Variants in HECW2 observed in about 807,000 individuals in gnomAD.
HECW2 encodes E3 ubiquitin-protein ligase HECW2.
A neutral mutation model predicts 175.2 loss-of-function variants in HECW2; 61 were observed. The observed-to-expected ratio is 0.35, with a 90% CI of 0.28 to 0.43. The LOEUF (loss-of-function observed/expected upper bound fraction) is 0.43. Ranked by LOEUF, HECW2 falls within the 20% of genes least tolerant of loss-of-function variation. The pLI is 1.00. For missense variants in HECW2, 1,524 were observed against 2,000.5 expected (o/e 0.76, Z 4.54); for synonymous variants, 671 against 731.0 (o/e 0.92, Z 1.32).
Position 196,240,433 on chromosome 2 carries a change from T to C in HECW2, c.3764+16A>G. 1 of 1,570,830 alleles carries C rather than the reference T, an allele frequency of 6.4e-7. No individual in the cohort carries two copies. Among genetic ancestry groups the C allele is most frequent in the East Asian group, 2.3e-5 (1 of 44,332 alleles). ...CACAGCCTATGTTCCACAGGCCACT[T>C]CTCTGTTCTACTCACCCTTCCTCCC... is the stretch of plus-strand genomic sequence containing the variant. On this transcript the variant is annotated intron_variant, in intron 21 of 28. Transcript: ENST00000644978.
intron 2 of HECW2, among the ~76,000 whole-genome samples, chr2:196,349,513 A>C (rs1250745431): frequency 6.7e-6 from 1 of 148,212 alleles, no homozygotes; most frequent in Non-Finnish European, 1.5e-5. Flanking sequence ...TAAATAGAAA[A>C]GTGAAACGTG....
rs201130712 is a variant in HECW2, at chr2:196,319,588, C to T, written c.1302G>A (p.Ala434=). The change falls in exon 9 of 29, where the codon GCG becomes GCA. Residue 434 remains alanine, a synonymous_variant. Transcript: ENST00000644978. The part of the protein sequence containing the change: ...EHNGHSRPGT[A]TCSERSMGAS... ...CACCCATGGACCTCTCAGAGCAGGT[C>T]GCTGTCCCCGGCCTGGAGTGGCCAT... 33 of 1,614,180 alleles carry T rather than the reference C, an allele frequency of 2.0e-5. No homozygotes were observed. Among genetic ancestry groups the T allele is most frequent in the Non-Finnish European group, 2.5e-5 (29 of 1,180,022 alleles).
intron 28 of HECW2, among the ~76,000 whole-genome samples, chr2:196,204,926 G>A (rs766081163): frequency 1.2e-4 from 19 of 152,096 alleles, no homozygotes; most frequent in Non-Finnish European, 2.4e-4. Context: ...TATCTTTGCA[G>A]GTACTCTAGA....
At chr2:196,553,748 T>C (rs148110381) in intron 1 of HECW2, among the ~76,000 whole-genome samples, 39 of 152,350 alleles carry the variant, frequency 2.6e-4, no homozygotes, top group East Asian at 2.5e-3. Flanking sequence ...AAGCTTCTTA[T>C]AGAATTGTAT....
intron 1 of HECW2, among the ~76,000 whole-genome samples, chr2:196,530,884 A>G (rs189570906): frequency 5.9e-5 from 9 of 152,222 alleles, no homozygotes. Flanking sequence ...CTAATACTAC[A>G]CCCAGTGTTT....
chr2:196,291,788 A>G (rs1334882954), intron 14 of HECW2: 1 of 152,258 alleles, frequency 6.6e-6, no homozygotes, highest in East Asian at 1.9e-4. Flanking sequence ...TAATAATAGT[A>G]CTGCTTTATC....
At chr2:196,265,522 T>C (rs1214155671) in intron 17 of HECW2, among the ~76,000 whole-genome samples, 1 of 152,064 alleles carries the variant, frequency 6.6e-6, no homozygotes, top group African/African-American at 2.4e-5. Flanking sequence ...TCCTAGATCC[T>C]AGTTGCATTT....
At chr2:196,559,529 G>A (rs1006365689) in intron 1 of HECW2, among the ~76,000 whole-genome samples, 5 of 152,146 alleles carry the variant, frequency 3.3e-5, no homozygotes, top group Admixed American at 6.5e-5. Flanking sequence ...AGGGTTATGC[G>A]ACAAGCCTGC....
At chr2:196,204,596 G>A (rs1352427993) in intron 28 of HECW2, among the ~76,000 whole-genome samples, 1 of 152,210 alleles carries the variant, frequency 6.6e-6, no homozygotes, top group East Asian at 1.9e-4. Flanking sequence ...TTTCAGCCTT[G>A]TGAGACCATG....
At position 196,215,929 on chromosome 2, in the gene HECW2, G is replaced by A; in HGVS notation, c.4543C>T (p.Arg1515Ter). 1.2e-6 allele frequency: 2 copies of A among 1,613,942 alleles called. No individual in the cohort carries two copies. The highest frequency in any genetic ancestry group is 1.7e-6 in the Non-Finnish European group (2 of 1,179,900). The change falls in exon 28 of 29, where the codon CGA becomes TGA. Residue 1515 changes from arginine (R) to a stop codon, truncating the protein, a stop_gained. Coordinates refer to ENST00000644978, the MANE Select transcript of HECW2 (RefSeq NM_001348768.2). LOFTEE classifies it high-confidence loss of function. The stretch of plus-strand genomic sequence containing the variant: ...AATCTTCTTGGGCCGTTACTCCCTC[G>A]GAGTGAAGCAAATCCTTCATAGGGA... ...SIPYEGFASL[R>*]GSNGPRRFCV...
chr2:196,388,247 T>C (rs546317278), intron 2 of HECW2, among the ~76,000 whole-genome samples: 21 of 152,306 alleles, frequency 1.4e-4, no homozygotes, highest in African/African-American at 4.1e-4. Context: ...ATAGCTATGA[T>C]TGGACTACTG....
chr2:196,488,236 A>G (rs540003627), intron 1 of HECW2, among the ~76,000 whole-genome samples: 12 of 152,220 alleles, frequency 7.9e-5, no homozygotes, highest in African/African-American at 2.9e-4. Flanking sequence ...TCCTTCTTAT[A>G]TTCAAAACAA....
intron 1 of HECW2, among the ~76,000 whole-genome samples, chr2:196,521,725 A>G (rs1688400507): frequency 6.7e-6 from 1 of 148,384 alleles, no homozygotes; most frequent in South Asian, 2.2e-4. Flanking sequence ...GAGTGAGAAT[A>G]TGCAGTGTTT....
At chr2:196,355,577 TGAAAA>T (rs1693335109) in intron 2 of HECW2, among the ~76,000 whole-genome samples, 1 of 152,100 alleles carries the variant, frequency 6.6e-6, no homozygotes, top group East Asian at 1.9e-4. Context: ...CAAAGACAGT[TGAAAA>T]GAACATTTTA....
At chr2:196,379,690 AAAAAAAAAAAAAAC>A (rs1185196139) in intron 2 of HECW2, among the ~76,000 whole-genome samples, 3 of 49,364 alleles carry the variant, frequency 6.1e-5, no homozygotes, top group African/African-American at 7.8e-5. Context: ...GTCTCAAAAA[AAAAAAAAAAAAAAC>A]AAAAAGATTA....
At chr2:196,259,787 T>C (rs1689214251) in intron 17 of HECW2, among the ~76,000 whole-genome samples, 1 of 152,182 alleles carries the variant, frequency 6.6e-6, no homozygotes, top group Admixed American at 6.5e-5. Context: ...TGTTGGCTGA[T>C]AAAAGCTAAA....
At chr2:196,477,524 C>G (rs1283754187) in intron 1 of HECW2, among the ~76,000 whole-genome samples, 1 of 152,206 alleles carries the variant, frequency 6.6e-6, no homozygotes, top group African/African-American at 2.4e-5. Context: ...TCAACTGTCA[C>G]AGGGGATTTC....
chr2:196,517,629 A>AT (rs1688196695), intron 1 of HECW2, among the ~76,000 whole-genome samples: 2 of 152,332 alleles, frequency 1.3e-5, no homozygotes, highest in African/African-American at 4.8e-5. Flanking sequence ...CACTGTAAAG[A>AT]TTGTTACAGT....
chr2:196,450,178 T>C (rs770314390), intron 1 of HECW2, among the ~76,000 whole-genome samples: 1 of 152,198 alleles, frequency 6.6e-6, no homozygotes, highest in Non-Finnish European at 1.5e-5. Context: ...GTTTCTGTCA[T>C]AGATGTAAAG....
Sources: allele counts gnomAD v4.1 joint callset (sites outside exome capture counted in the v4.1 genomes callset), GRCh38; gene constraint gnomAD v4.1.1; transcripts MANE v1.5; gene names NCBI Gene and HGNC (gene_info 2026-07-23, HGNC 2026-07-21).